The following ENOX2 variants were observed in gnomAD, a reference collection of about 807,000 sequenced individuals.
ENOX2 encodes APK1 antigen.
Under a neutral mutation model 45.0 loss-of-function variants are expected in ENOX2, and 36 were observed. The observed-to-expected ratio is 0.80, with a 90% CI of 0.61 to 1.06. The LOEUF is 1.06. Ranked by LOEUF, ENOX2 falls within the 50% of genes least tolerant of loss-of-function variation. ENOX2 has a pLI of 0.00. For missense variants in ENOX2, 423 were observed against 462.5 expected, an observed-to-expected ratio of 0.91 and a Z score of 0.78; for synonymous variants, 174 against 152.3, an observed-to-expected ratio of 1.14 and a Z score of -1.05.
At chrX:130,815,992 AGGAGACCCAT>A (rs1181565980) in intron 2 of ENOX2, among the ~76,000 whole-genome samples, 203 of 111,832 alleles carry the variant, frequency 1.8e-3, no homozygotes, top group Non-Finnish European at 2.7e-3. Flanking sequence ...TGCTGTAATC[AGGAGACCCAT>A]CTCATGTGCA....
chrX:130,821,702 A>AT (rs2077603474), intron 2 of ENOX2, among the ~76,000 whole-genome samples: 2 of 80,873 alleles, frequency 2.5e-5, no homozygotes, highest in Non-Finnish European at 4.9e-5. Flanking sequence ...AAAAAAAAAA[A>AT]TTAAAAAAAA....
intron 2 of ENOX2, among the ~76,000 whole-genome samples, chrX:130,810,243 T>C (rs1357793713): frequency 9.0e-6 from 1 of 110,711 alleles, no homozygotes; most frequent in Non-Finnish European, 1.9e-5. Flanking sequence ...AGGCTGGTAC[T>C]CACAGACTGA....
At chrX:130,702,053 C>A (rs2037912896) in intron 4 of ENOX2, among the ~76,000 whole-genome samples, 1 of 111,091 alleles carries the variant, frequency 9.0e-6, no homozygotes, top group South Asian at 3.8e-4. Context: ...GATGTAATAA[C>A]ATTTCTTAAT....
intron 10 of ENOX2, among the ~76,000 whole-genome samples, chrX:130,639,353 G>A (rs2036020913): frequency 9.0e-6 from 1 of 111,725 alleles, no homozygotes; most frequent in Non-Finnish European, 1.9e-5. Context: ...TGGTGGGAGT[G>A]GGATAAAACT....
chrX:130,874,542 G>A (rs2078657347), intron 2 of ENOX2, among the ~76,000 whole-genome samples: 1 of 111,802 alleles, frequency 8.9e-6, no homozygotes, highest in African/African-American at 3.3e-5. Flanking sequence ...AAGAAGGAAA[G>A]CAATGAAATA....
chrX:130,750,923 TATA>T (rs2039204830), intron 3 of ENOX2, among the ~76,000 whole-genome samples: 1 of 111,270 alleles, frequency 9.0e-6, no homozygotes, highest in African/African-American at 3.3e-5. Context: ...TCTCTCATTC[TATA>T]ATAAGTGTCC....
intron 10 of ENOX2, chrX:130,646,416 G>A (rs929525583): frequency 2.0e-5 from 4 of 201,779 alleles, no homozygotes; most frequent in Middle Eastern, 1.7e-3. Flanking sequence ...CTCAGGCCAG[G>A]CCGTGGGAAG....
At chrX:130,625,486 A>G in intron 14 of ENOX2, 41 bp from the exon 15 acceptor site, 1 of 1,175,314 alleles carries the variant, frequency 8.5e-7, no homozygotes, top group East Asian at 3.0e-5. Flanking sequence ...AACCAGTTCT[A>G]TTTTCCTAAT....
intron 10 of ENOX2, among the ~76,000 whole-genome samples, chrX:130,652,688 A>G (rs988285915): frequency 8.9e-6 from 1 of 112,302 alleles, no homozygotes; most frequent in African/African-American, 3.2e-5. Context: ...TCAAATTACA[A>G]TGAGGTCATT....
At chrX:130,635,257 C>T (rs761189776) in intron 11 of ENOX2, among the ~76,000 whole-genome samples, 166 bp from the exon 12 acceptor site, 6 of 112,170 alleles carry the variant, frequency 5.3e-5, no homozygotes, top group African/African-American at 1.9e-4. Flanking sequence ...TTTCACTTTA[C>T]GTTATTTTGT....
intron 12 of ENOX2, 149 bp from the exon 13 acceptor site, chrX:130,631,725 T>A (rs777059077): frequency 6.2e-5 from 23 of 368,952 alleles, no homozygotes; most frequent in Middle Eastern, 4.9e-4. Context: ...ATAGCATAAA[T>A]TACAAAAGCA....
At chrX:130,693,408 T>C (rs2148193713) in intron 4 of ENOX2, among the ~76,000 whole-genome samples, 1 of 112,139 alleles carries the variant, frequency 8.9e-6, no homozygotes, top group Non-Finnish European at 1.9e-5. Context: ...TTGGATATTG[T>C]TATCCTTCAT....
intron 2 of ENOX2, among the ~76,000 whole-genome samples, chrX:130,898,493 C>CGT (rs966089547): frequency 1.7e-4 from 18 of 108,909 alleles, no homozygotes; most frequent in Admixed American, 1.6e-3. Flanking sequence ...TGTGCGTGTG[C>CGT]GTGTGTGTGT....
Position 130,674,296 on chromosome X carries a change from A to G in ENOX2, c.461-4098T>C, listed in dbSNP as rs914819278. ...CAGGTGCCCCCGCATCTATAATGAAAAAAATGAATGAAATTGAAGACCTAG... is the reference window on the plus strand; with the variant it reads ...CAGGTGCCCCCGCATCTATAATGAAGAAAATGAATGAAATTGAAGACCTAG... On this transcript the variant is annotated intron_variant, in intron 6 of 14. Transcript: ENST00000394363. Among the ~76,000 whole-genome samples, 8 of 110,706 alleles carry G rather than the reference A, an allele frequency of 7.2e-5. No individual in the cohort carries two copies. The Admixed American group carries it at 7.7e-4, about 11-fold the overall frequency.
chrX:130,902,527 AG>A (rs1249837715), intron 1 of ENOX2, among the ~76,000 whole-genome samples: 1 of 109,963 alleles, frequency 9.1e-6, no homozygotes, highest in Non-Finnish European at 1.9e-5. Flanking sequence ...AGGCAAAAAG[AG>A]AAAGTTTGAA....
At chrX:130,758,701 A>G (rs1337074910) in intron 3 of ENOX2, among the ~76,000 whole-genome samples, 4 of 111,851 alleles carry the variant, frequency 3.6e-5, no homozygotes, top group Non-Finnish European at 7.5e-5. Flanking sequence ...TGTATGAGTG[A>G]TCTAGTTTCT....
chrX:130,624,159 G>A lies in ENOX2; in HGVS notation c.*1155C>T, dbSNP rs2035485013. 1 of 110,742 alleles carries A rather than the reference G, an allele frequency of 9.0e-6. No individual in the cohort carries two copies. The highest frequency in any genetic ancestry group is 3.3e-5 in the African/African-American group (1 of 30,418). 9.1% of individuals were successfully genotyped at this position (110,742 alleles called of 1,213,427 possible). The stretch of plus-strand genomic sequence containing the variant: ...ATCCTCTCTGTTTACTTTCCACCAA[G>A]CAGAAGTTTCTGAATGGTCCACTCA... On this transcript the variant is annotated 3_prime_UTR_variant, in exon 15 of 15. Coordinates refer to ENST00000394363, the MANE Select transcript of ENOX2 (RefSeq NM_006375.4).
rs1187000536 is a variant in ENOX2 at position 130,639,198 on chromosome X, C to T, written c.1130-1788G>A. Among the ~76,000 whole-genome samples, 4 of 111,621 alleles carry T rather than the reference C, an allele frequency of 3.6e-5. 1 individual carries two copies. The highest frequency in any genetic ancestry group is 7.5e-5 in the Non-Finnish European group (4 of 53,083). On this transcript the variant is annotated intron_variant, in intron 10 of 14. Coordinates refer to ENST00000394363, the MANE Select transcript of ENOX2 (RefSeq NM_006375.4). ...TGGTCTTCTTCACAAGGCCTGCCCT[C>T]GGGAAAATCTATTTTACCAGAGCCT...
At chrX:130,724,667 A>G (rs2038564160) in intron 3 of ENOX2, among the ~76,000 whole-genome samples, 1 of 112,348 alleles carries the variant, frequency 8.9e-6, no homozygotes, top group Non-Finnish European at 1.9e-5. Context: ...GACTGACTAG[A>G]CAGTTACAGG....
Sources: gnomAD v4.1 joint callset for allele counts (sites outside exome capture counted in the v4.1 genomes callset) on GRCh38, gnomAD v4.1.1 for gene constraint, MANE v1.5 for transcripts, NCBI Gene and HGNC (gene_info 2026-07-23, HGNC 2026-07-21) for gene names.